The following PRDM2 variants were observed in gnomAD, a reference collection of about 807,000 sequenced individuals.
PRDM2 encodes the protein PR/SET domain 2.
PRDM2 carries 30 observed loss-of-function variants against 130.0 expected under a neutral mutation model. The observed-to-expected ratio is 0.23, with a 90% CI of 0.17 to 0.31. The LOEUF is 0.31. Ranked by LOEUF, PRDM2 falls within the 10% of genes least tolerant of loss-of-function variation. PRDM2 has a pLI of 1.00. For missense variants in PRDM2, 2,011 were observed against 2,108.4 expected, an observed-to-expected ratio of 0.95 and a Z score of 0.90; for synonymous variants, 871 against 782.4, an observed-to-expected ratio of 1.11 and a Z score of -1.89.
intron 6 of PRDM2, among the ~76,000 whole-genome samples, chr1:13,765,472 G>GA (rs1553159076): frequency 6.8e-6 from 1 of 146,182 alleles, no homozygotes; most frequent in Non-Finnish European, 1.5e-5. Context: ...CTATTCTTTT[G>GA]TTTTTTTTTT....
chr1:13,748,613 G>A (rs1046434869), intron 5 of PRDM2, among the ~76,000 whole-genome samples: 3 of 152,164 alleles, frequency 2.0e-5, no homozygotes, highest in Admixed American at 6.5e-5. Flanking sequence ...TGCACTCAGT[G>A]GATCTTTTCT....
At chr1:13,817,709 C>T (rs1645279339) in intron 9 of PRDM2, among the ~76,000 whole-genome samples, 1 of 152,080 alleles carries the variant, frequency 6.6e-6, no homozygotes, top group South Asian at 2.1e-4. Flanking sequence ...ATTAAAAAAT[C>T]CCGAGTTCAG....
chr1:13,769,001 C>A, intron 6 of PRDM2: 1 of 387,806 alleles, frequency 2.6e-6, no homozygotes, highest in Non-Finnish European at 3.5e-6. Flanking sequence ...TTCAATTTCT[C>A]ATCTTGATGT....
At chr1:13,704,117 G>A (rs1032729811) in intron 1 of PRDM2, among the ~76,000 whole-genome samples, 47 of 152,260 alleles carry the variant, frequency 3.1e-4, no homozygotes, top group African/African-American at 1.1e-3. Context: ...ATCTTTAGTC[G>A]GAATGTATTG....
chr1:13,823,222 C>T lies in PRDM2; in HGVS notation c.*87C>T, dbSNP rs778937577. On this transcript the variant is annotated 3_prime_UTR_variant, in exon 10 of 10. Transcript: ENST00000311066. ...TGGCAGTCTGCCCTGCAGGGAGTAC[C>T]GACCTATCCCAGTTGTGTGAGGCTG... 5.8e-5 allele frequency: 93 copies of T among 1,606,188 alleles called. No homozygotes were observed. Among genetic ancestry groups the T allele is most frequent in the Non-Finnish European group, 7.5e-5 (88 of 1,173,482 alleles).
chr1:13,715,804 G>A (rs974016183), intron 2 of PRDM2, among the ~76,000 whole-genome samples, 190 bp downstream of exon 2: 6 of 152,194 alleles, frequency 3.9e-5, no homozygotes, highest in African/African-American at 9.7e-5. Flanking sequence ...TTGTTTGGGC[G>A]TGGGTTGGCG....
intron 8 of PRDM2, among the ~76,000 whole-genome samples, chr1:13,812,007 G>C (rs1021284942): frequency 1.3e-5 from 2 of 152,218 alleles, no homozygotes; most frequent in Non-Finnish European, 1.5e-5. Context: ...AGGGGACTGG[G>C]AGGGTCGCAA....
chr1:13,792,603 A>AT (rs1644857697), intron 8 of PRDM2, among the ~76,000 whole-genome samples: 1 of 152,204 alleles, frequency 6.6e-6, no homozygotes, highest in Admixed American at 6.5e-5. Context: ...ATTCAGGCAC[A>AT]TTCTCCTGTT....
intron 6 of PRDM2, among the ~76,000 whole-genome samples, chr1:13,751,788 G>C (rs1222171865): frequency 6.6e-6 from 1 of 152,164 alleles, no homozygotes; most frequent in East Asian, 1.9e-4. Context: ...CTGGACCTCA[G>C]CTCCTTTGCG....
intron 1 of PRDM2, chr1:13,704,814 T>A (rs1263157043): frequency 1.3e-5 from 2 of 152,216 alleles, no homozygotes; most frequent in Non-Finnish European, 2.9e-5. Context: ...CCCAAGACCT[T>A]GTTAAGAGAA....
intron 8 of PRDM2, among the ~76,000 whole-genome samples, chr1:13,800,171 C>T: frequency 6.6e-6 from 1 of 152,086 alleles, no homozygotes; most frequent in Non-Finnish European, 1.5e-5. Flanking sequence ...AAAACTGTCA[C>T]AATGTCCTAC....
intron 8 of PRDM2, among the ~76,000 whole-genome samples, chr1:13,797,030 C>G (rs1644933582): frequency 6.6e-6 from 1 of 152,204 alleles, no homozygotes; most frequent in Non-Finnish European, 1.5e-5. Context: ...GTTTCCTTCT[C>G]TTTACCATCC....
At chr1:13,802,333 C>T (rs866964465) in intron 8 of PRDM2, among the ~76,000 whole-genome samples, 1 of 152,214 alleles carries the variant, frequency 6.6e-6, no homozygotes, top group African/African-American at 2.4e-5. Flanking sequence ...GTTTTGACCT[C>T]TTGGGTAGCA....
At chr1:13,798,195 GAA>G (rs1229655034) in intron 8 of PRDM2, among the ~76,000 whole-genome samples, 2 of 152,190 alleles carry the variant, frequency 1.3e-5, no homozygotes, top group East Asian at 3.9e-4. Context: ...GGAAGAAAAA[GAA>G]AAAGAAATCC....
intron 1 of PRDM2, among the ~76,000 whole-genome samples, chr1:13,706,682 A>C (rs1273433264): frequency 1.3e-5 from 2 of 152,054 alleles, no homozygotes; most frequent in Non-Finnish European, 2.9e-5. Flanking sequence ...CAAACATCAA[A>C]AGACAGTCTT....
chr1:13,783,854 A>T (rs181210137), intron 8 of PRDM2, among the ~76,000 whole-genome samples: 1 of 152,110 alleles, frequency 6.6e-6, no homozygotes, highest in Non-Finnish European at 1.5e-5. Flanking sequence ...TTCATGCTAT[A>T]GCTTTTGGTG....
At chr1:13,741,260 A>G (rs758124437) in intron 4 of PRDM2, among the ~76,000 whole-genome samples, 4 of 152,198 alleles carry the variant, frequency 2.6e-5, no homozygotes, top group Non-Finnish European at 5.9e-5. Context: ...GTGAGAAGGG[A>G]AGGCTTCTTG....
chr1:13,755,116 C>T (rs192541656), intron 6 of PRDM2, among the ~76,000 whole-genome samples: 101 of 152,110 alleles, frequency 6.6e-4, no homozygotes, highest in Non-Finnish European at 1.1e-3. Flanking sequence ...AGTAGGAGTT[C>T]GGGAATTATA....
intron 6 of PRDM2, among the ~76,000 whole-genome samples, chr1:13,758,039 A>G (rs1644002242): frequency 6.6e-6 from 1 of 152,152 alleles, no homozygotes; most frequent in South Asian, 2.1e-4. Context: ...GATTCTTAGA[A>G]TATGTATGTC....
Sources: gnomAD v4.1 joint callset for allele counts (sites outside exome capture counted in the v4.1 genomes callset) on GRCh38, gnomAD v4.1.1 for gene constraint, MANE v1.5 for transcripts, NCBI Gene and HGNC (gene_info 2026-07-23, HGNC 2026-07-21) for gene names.